The following PRR12 variants were observed in gnomAD, a reference collection of about 807,000 sequenced individuals.
PRR12 encodes proline rich 12, also known as proline-rich protein 12.
Under a neutral mutation model 138.0 loss-of-function variants are expected in PRR12, and 12 were observed. The observed-to-expected ratio is 0.09, with a 90% CI of 0.06 to 0.14. The LOEUF (loss-of-function observed/expected upper bound fraction) is 0.14. PRR12 is among the 10% of genes least tolerant of loss of function. The probability of loss-of-function intolerance (pLI) is 1.00; values close to 1 mark genes in which losing one functional copy is unlikely to be tolerated. For synonymous variants in PRR12, 1,567 were observed against 1,291.7 expected (o/e 1.21, Z -4.57); for missense variants, 2,692 against 2,861.3 (o/e 0.94, Z 1.35).
chr19:49,599,473 C>T lies in PRR12; in HGVS notation c.3880C>T (p.Arg1294Cys), dbSNP rs749458129. ...SFLDFLKSGKRHPPLYQAGLT... is the reference protein window; with the variant it reads ...SFLDFLKSGKCHPPLYQAGLT... Reference sequence around the variant, plus strand: ...CTTGGACTTCCTCAAGTCAGGCAAGCGCCACCCACCACTCTACCAGGCGGG... The same window carrying T: ...CTTGGACTTCCTCAAGTCAGGCAAGTGCCACCCACCACTCTACCAGGCGGG... Residue 1294 changes from arginine to cysteine, a missense_variant, in exon 5 of 14, where the codon CGC becomes TGC. Physicochemically the swap from Arg to Cys is radical, Grantham distance 180. This residue lies in a region of PRR12 where 326 missense variants were observed against 344.2 expected (regional missense o/e 0.95). Transcript: ENST00000418929. The surrounding 1 kb of genome is among the most constrained non-coding windows in gnomAD (Gnocchi z 5.0). 6.9e-6 allele frequency: 11 copies of T among 1,600,504 alleles called. No homozygotes were observed. The highest frequency in any genetic ancestry group is 5.6e-5 in the South Asian group (5 of 89,342).
At chr19:49,598,102 C>G (rs2080787753) in intron 4 of PRR12, 89 bp downstream of exon 4, 2 of 1,225,230 alleles carry the variant, frequency 1.6e-6, no homozygotes, top group African/African-American at 1.6e-5. Context: ...GAGACAGAGT[C>G]TCGCTCTGTC....
Position 49,596,220 on chromosome 19 carries a change from G to C in PRR12, c.1885G>C (p.Gly629Arg), listed in dbSNP as rs1271006876. 3.1e-6 allele frequency: 5 copies of C among 1,610,758 alleles called. No individual in the cohort carries two copies. The highest frequency in any genetic ancestry group is 1.7e-5 in the Admixed American group (1 of 59,940). ...TGGCTCGGAGCTGCTGGCGGGCCCA[G>C]GTGGGCCTCCTGCGGAGCGCACAGA... is the stretch of plus-strand genomic sequence containing the variant. ...GDGSELLAGP[G>R]GPPAERTEDE... Residue 629 changes from glycine (G) to arginine (R), a missense_variant, in exon 4 of 14, where the codon GGT becomes CGT. Gly to Arg is a moderately radical substitution (Grantham distance 125). This residue lies in a region of PRR12 where 840 missense variants were observed against 689.8 expected (regional missense o/e 1.22). Coordinates refer to ENST00000418929, the MANE Select transcript of PRR12 (RefSeq NM_020719.3). The surrounding 1 kb of genome is among the most constrained non-coding windows in gnomAD (Gnocchi z 5.6).
intron 6 of PRR12, among the ~76,000 whole-genome samples, chr19:49,604,774 T>C (rs1337034447): frequency 1.3e-5 from 2 of 152,128 alleles, no homozygotes; most frequent in Non-Finnish European, 2.9e-5. Flanking sequence ...TAAACTTGAT[T>C]ATAGAGACTA....
At chr19:49,605,298 T>C (rs2080832837) in intron 6 of PRR12, among the ~76,000 whole-genome samples, 1 of 152,126 alleles carries the variant, frequency 6.6e-6, no homozygotes, top group Non-Finnish European at 1.5e-5. Context: ...GTTTCGCTCT[T>C]GTTGCCCAGG....
rs868446363 is a variant in PRR12 at position 49,619,514 on chromosome 19, T to G, written c.5498-838T>G. On this transcript the variant is annotated intron_variant, in intron 9 of 13. Coordinates refer to ENST00000418929, the MANE Select transcript of PRR12 (RefSeq NM_020719.3). ...CCTCCCAAAGTGGTGGGATTACAGG[T>G]GTGAGCCACCATGCCCAGCCCTTTT... is the stretch of plus-strand genomic sequence containing the variant. Among the ~76,000 whole-genome samples the G allele has an allele frequency of 4.2e-4, 55 of 129,918 alleles. 1 individual carries two copies. Among genetic ancestry groups the G allele is most frequent in the African/African-American group, 1.6e-3 (54 of 33,548 alleles). The allele number at this position is 129,918 out of a possible 152,430, so 85.2% of individuals were successfully genotyped here.
In PRR12 at chr19:49,597,753, A is replaced by G. The variant is rs775696667; in HGVS notation, c.3418A>G (p.Ile1140Val). 11 of 1,606,300 alleles carry G rather than the reference A, an allele frequency of 6.8e-6. No homozygotes were observed. The highest frequency in any genetic ancestry group is 5.0e-5 in the Admixed American group (3 of 59,432). Residue 1140 changes from isoleucine (I) to valine (V), a missense_variant, in exon 4 of 14, where the codon ATC becomes GTC. Ile to Val is a conservative substitution (Grantham distance 29, BLOSUM62 3). This residue lies in a region of PRR12 where 326 missense variants were observed against 344.2 expected (regional missense o/e 0.95). Coordinates refer to ENST00000418929, the MANE Select transcript of PRR12 (RefSeq NM_020719.3). The surrounding 1 kb of genome is among the most constrained non-coding windows in gnomAD (Gnocchi z 6.3). ...TCCGGCCCTCTCGCCACTGGGGGAC[A>G]TCGACTTCTGCCCACCCAACCCAGG... ...SRPALSPLGD[I>V]DFCPPNPGPD...
intron 1 of PRR12, 136 bp downstream of exon 1, chr19:49,591,876 T>A: frequency 2.1e-6 from 1 of 482,076 alleles, no homozygotes; most frequent in Non-Finnish European, 3.5e-6. Context: ...GCGGCCTTCC[T>A]CGGTTTGTAA....
intron 5 of PRR12, among the ~76,000 whole-genome samples, chr19:49,600,370 G>T (rs542309217): frequency 1.3e-5 from 2 of 151,760 alleles, no homozygotes; most frequent in Non-Finnish European, 2.9e-5. Context: ...CATAGGAAGG[G>T]TTTAGGTTGT....
chr19:49,623,682 C>T (rs1382631956), intron 11 of PRR12, among the ~76,000 whole-genome samples: 1 of 148,032 alleles, frequency 6.8e-6, no homozygotes, highest in African/African-American at 2.5e-5. Flanking sequence ...TAGGATAGGG[C>T]TGAGAATTCT....
chr19:49,601,928 A>C lies in PRR12; in HGVS notation c.4773+10A>C. 6.2e-7 allele frequency: 1 copy of C among 1,608,524 alleles called. No individual in the cohort carries two copies. On this transcript the variant is annotated intron_variant, in intron 6 of 13. Coordinates refer to ENST00000418929, the MANE Select transcript of PRR12 (RefSeq NM_020719.3). ...CATCCCTTCCCTCAAGGTGAGTCCC[A>C]GCCTTCTCCAGAAACTGGGCCTGAT...
In PRR12 at chr19:49,614,656, C is replaced by A; in HGVS notation, c.4890+7C>A. 6.4e-7 allele frequency: 1 copy of A among 1,554,818 alleles called. No individual in the cohort carries two copies. Among genetic ancestry groups the A allele is most frequent in the Non-Finnish European group, 8.7e-7 (1 of 1,148,762 alleles). The stretch of plus-strand genomic sequence containing the variant: ...GTTTTGTGCCACCAGTAATGTAAGC[C>A]TGCAAAGGGGACCAAGGACTTGGGG... On this transcript the variant is annotated splice_region_variant and intron_variant, in intron 7 of 13. Coordinates refer to ENST00000418929, the MANE Select transcript of PRR12 (RefSeq NM_020719.3). This position sits in a 1 kb window ranked among gnomAD's most constrained non-coding sequence, Gnocchi z 5.0.
At position 49,594,196 on chromosome 19, in the gene PRR12, C is replaced by G. The variant is rs540904041; in HGVS notation, c.200-258C>G. On this transcript the variant is annotated intron_variant, in intron 2 of 13. Coordinates refer to ENST00000418929, the MANE Select transcript of PRR12 (RefSeq NM_020719.3). The surrounding 1 kb of genome is among the most constrained non-coding windows in gnomAD (Gnocchi z 5.6). ...CTTCTAGATTTTTCTACACTTTTGT[C>G]TACCATTTCCTACCTGGGCCCCCTG... Among the ~76,000 whole-genome samples the G allele has an allele frequency of 1.3e-5, 2 of 152,176 alleles. No individual in the cohort carries two copies. Among genetic ancestry groups the G allele is most frequent in the African/African-American group, 4.8e-5 (2 of 41,442 alleles).
In PRR12 at chr19:49,601,518, C is replaced by T. The variant is rs762085480; in HGVS notation, c.4373C>T (p.Pro1458Leu). ...CCCCCGCTGCTGGAGGAGAAACCCC[C>T]ACCCACTCCACCTCCTGCCCCGACT... The part of the protein sequence containing the change: ...PEPPLLEEKP[P>L]PTPPPAPTPQ... The change falls in exon 6 of 14, where the codon CCA (proline) becomes CTA (leucine). Residue 1458 changes from proline to leucine, a missense_variant. Coordinates refer to ENST00000418929, the MANE Select transcript of PRR12 (RefSeq NM_020719.3). 8 of 1,524,916 alleles carry T rather than the reference C, an allele frequency of 5.2e-6. No individual in the cohort carries two copies. Among genetic ancestry groups the T allele is most frequent in the South Asian group, 2.4e-5 (2 of 82,658 alleles). 94.5% of individuals were successfully genotyped at this position (1,524,916 alleles called of 1,614,324 possible).
In PRR12 at chr19:49,596,888, GGCC is replaced by G; in HGVS notation, c.2554_2556del (p.Ala852del). ...CACCACCCATGCCCCTGCAGCTCGA[GGCC>G]CACCTCCGCAGCCATGGCCTGGAGC... On this transcript the variant is annotated inframe_deletion, in exon 4 of 14. Coordinates refer to ENST00000418929, the MANE Select transcript of PRR12 (RefSeq NM_020719.3). This position sits in a 1 kb window ranked among gnomAD's most constrained non-coding sequence, Gnocchi z 5.6. The G allele has an allele frequency of 6.4e-7, 1 of 1,559,406 alleles. No homozygotes were observed.
intron 6 of PRR12, among the ~76,000 whole-genome samples, chr19:49,608,744 G>A (rs980520368): frequency 3.3e-5 from 5 of 151,962 alleles, no homozygotes; most frequent in African/African-American, 4.8e-5. Context: ...AGAGGCTGAC[G>A]TGGGAGAATC....
In PRR12 at chr19:49,614,658, G is replaced by A. The variant is rs1334566536; in HGVS notation, c.4890+9G>A. ...TTTGTGCCACCAGTAATGTAAGCCTGCAAAGGGGACCAAGGACTTGGGGGC... is the reference window on the plus strand; with the variant it reads ...TTTGTGCCACCAGTAATGTAAGCCTACAAAGGGGACCAAGGACTTGGGGGC... On this transcript the variant is annotated intron_variant, in intron 7 of 13. Coordinates refer to ENST00000418929, the MANE Select transcript of PRR12 (RefSeq NM_020719.3). The surrounding 1 kb of genome is among the most constrained non-coding windows in gnomAD (Gnocchi z 5.0). The A allele has an allele frequency of 6.4e-7, 1 of 1,554,348 alleles. No individual in the cohort carries two copies. Among genetic ancestry groups the A allele is most frequent in the South Asian group, 1.2e-5 (1 of 84,348 alleles).
rs531652877 is a variant in PRR12, at chr19:49,625,398, AGCCCCTTCCCTCCCCAGAGGCCGGT to A, written c.5965-61_5965-37del. On this transcript the variant is annotated intron_variant, in intron 13 of 13. Coordinates refer to ENST00000418929, the MANE Select transcript of PRR12 (RefSeq NM_020719.3). This position sits in a 1 kb window ranked among gnomAD's most constrained non-coding sequence, Gnocchi z 5.5. ...TCTGACACCCCAGGCCCCATGCCCC[AGCCCCTTCCCTCCCCAGAGGCCGGT>A]GTGCCACCCTCCCCAGTGCCATGTT... is the stretch of plus-strand genomic sequence containing the variant. The A allele has an allele frequency of 4.0e-3, 6,046 of 1,505,770 alleles. 209 individuals are homozygous for A. The African/African-American group carries it at 0.071, about 18-fold the overall frequency. The allele number at this position is 1,505,770 out of a possible 1,614,324, so 93.3% of individuals were successfully genotyped here.
chr19:49,594,241 CCTTGT>C lies in PRR12; in HGVS notation c.200-208_200-204del, dbSNP rs1457301885. Among the ~76,000 whole-genome samples, 1 of 152,134 alleles carries C rather than the reference CCTTGT, an allele frequency of 6.6e-6. No homozygotes were observed. Among genetic ancestry groups the C allele is most frequent in the African/African-American group, 2.4e-5 (1 of 41,440 alleles). Reference sequence around the variant, plus strand: ...CCCCTGTCCTTATGACTGGATTGCCCCTTGTCTTGCTTTACTGTCTCACCTTTCCC... The same window carrying C: ...CCCCTGTCCTTATGACTGGATTGCCCCTTGCTTTACTGTCTCACCTTTCCC... On this transcript the variant is annotated intron_variant, in intron 2 of 13. Coordinates refer to ENST00000418929, the MANE Select transcript of PRR12 (RefSeq NM_020719.3). The surrounding 1 kb of genome is among the most constrained non-coding windows in gnomAD (Gnocchi z 5.6).
Position 49,625,631 on chromosome 19 carries a change from G to A in PRR12, c.*24G>A. 1 of 1,579,988 alleles carries A rather than the reference G, an allele frequency of 6.3e-7. No homozygotes were observed. Among genetic ancestry groups the A allele is most frequent in the East Asian group, 2.3e-5 (1 of 44,384 alleles). On this transcript the variant is annotated 3_prime_UTR_variant, in exon 14 of 14. Transcript: ENST00000418929. The surrounding 1 kb of genome is among the most constrained non-coding windows in gnomAD (Gnocchi z 5.5). ...GACCCCGCCCCAGCTTGTGAGGGGG[G>A]CGCCTCCTCCATGAACCGAGAATTG...
Sources: allele counts gnomAD v4.1 joint callset (sites outside exome capture counted in the v4.1 genomes callset), GRCh38; gene constraint gnomAD v4.1.1; regional missense constraint gnomAD v4.1.1; non-coding constraint Gnocchi (gnomAD v3.1); transcripts MANE v1.5; gene names NCBI Gene and HGNC (gene_info 2026-07-23, HGNC 2026-07-21).